Variants in SH3PXD2B observed in about 807,000 individuals in gnomAD.
The protein encoded by SH3PXD2B is SH3 and PX domain-containing protein 2B.
Under a neutral mutation model 73.1 loss-of-function variants are expected in SH3PXD2B, and 37 were observed. The observed-to-expected ratio is 0.51, with a 90% CI of 0.39 to 0.67. The LOEUF (loss-of-function observed/expected upper bound fraction) is 0.67. Among genes scored for constraint, SH3PXD2B ranks in the 30% least tolerant of loss-of-function variants. The probability of loss-of-function intolerance (pLI) is 0.00; values close to 1 mark genes in which losing one functional copy is unlikely to be tolerated. For synonymous variants in SH3PXD2B, 457 were observed against 480.5 expected, an observed-to-expected ratio of 0.95 and a Z score of 0.64; for missense variants, 1,053 against 1,197.8, an observed-to-expected ratio of 0.88 and a Z score of 1.78.
At position 172,353,776 on chromosome 5, in the gene SH3PXD2B, G is replaced by T. The variant is rs948389456; in HGVS notation, c.785+112C>A. 3.6e-6 allele frequency: 3 copies of T among 844,300 alleles called. No individual in the cohort carries two copies. Among genetic ancestry groups the T allele is most frequent in the Admixed American group, 3.4e-5 (2 of 58,680 alleles). 52.3% of individuals were successfully genotyped at this position (844,300 alleles called of 1,614,324 possible). A position where few individuals can be genotyped will look rare whatever the true frequency, so the allele number is the denominator to read the frequency against. On this transcript the variant is annotated intron_variant, in intron 9 of 12. Transcript: ENST00000311601. This position sits in a 1 kb window ranked among gnomAD's most constrained non-coding sequence, Gnocchi z 4.3. ...CTTTTATGGTTCAGGCGGAAACTTC[G>T]CCCAGATGCAATCACTTACCGACCT...
At chr5:172,440,217 G>C (rs952578814) in intron 1 of SH3PXD2B, among the ~76,000 whole-genome samples, 5 of 152,244 alleles carry the variant, frequency 3.3e-5, no homozygotes, top group Non-Finnish European at 5.9e-5. Flanking sequence ...CCCACTACGC[G>C]CAAGGCAGTA....
intron 6 of SH3PXD2B, among the ~76,000 whole-genome samples, chr5:172,367,577 C>T (rs1187036756): frequency 6.6e-6 from 1 of 152,098 alleles, no homozygotes; most frequent in Non-Finnish European, 1.5e-5. Context: ...CAATGTGGCG[C>T]AGATGGTTAC....
intron 7 of SH3PXD2B, among the ~76,000 whole-genome samples, chr5:172,361,361 C>T (rs1013655698): frequency 4.9e-4 from 75 of 152,264 alleles, no homozygotes; most frequent in Non-Finnish European, 2.4e-4. Context: ...AATGTATCCA[C>T]GTATTACTTG....
In SH3PXD2B at chr5:172,406,279, G is replaced by A; in HGVS notation, c.230C>T (p.Pro77Leu). Residue 77 changes from proline to leucine, a missense_variant and splice_region_variant, in exon 3 of 13, where the codon CCA becomes CTA. Physicochemically the swap from Pro to Leu is moderately conservative, Grantham distance 98. Transcript: ENST00000311601. ...DPKQRIIPFL[P>L]GKILFRRSHI... Reference sequence around the variant, plus strand: ...CTGAGAGCACCCATCTCACCTACCTGGCAGAAAGGGGATGATCCGCTGCTT... The same window carrying A: ...CTGAGAGCACCCATCTCACCTACCTAGCAGAAAGGGGATGATCCGCTGCTT... The A allele has an allele frequency of 6.2e-7, 1 of 1,613,870 alleles. No individual in the cohort carries two copies. The highest frequency in any genetic ancestry group is 8.5e-7 in the Non-Finnish European group (1 of 1,179,970).
At chr5:172,368,770 T>TACATATATATTTAATATATAATAC (rs1757632526) in intron 6 of SH3PXD2B, among the ~76,000 whole-genome samples, 2 of 121,220 alleles carry the variant, frequency 1.6e-5, no homozygotes, top group African/African-American at 3.1e-5. Context: ...ATATATAATA[T>TACATATATATTTAATATATAATAC]ACATATATAT....
Position 172,358,852 on chromosome 5 carries a change from C to T in SH3PXD2B, c.588G>A (p.Glu196=). 2.5e-6 allele frequency: 4 copies of T among 1,614,064 alleles called. No individual in the cohort carries two copies. Among genetic ancestry groups the T allele is most frequent in the Non-Finnish European group, 3.4e-6 (4 of 1,179,964 alleles). The change falls in exon 8 of 13, where the codon GAG becomes GAA. Residue 196 remains glutamate, a synonymous_variant. Transcript: ENST00000311601. ...ESGWWFVSTA[E]EQGWVPATCL... ...ACGTTGCAGGGACCCAGCCTTGCTC[C>T]TCGGCAGTGCTGACGAACCACCAAC...
rs567171010 is a variant in SH3PXD2B at position 172,396,393 on chromosome 5, CT to C, written c.233-1755del. On this transcript the variant is annotated intron_variant, in intron 3 of 12. Transcript: ENST00000311601. Reference sequence around the variant, plus strand: ...ACTCCGTCTCAAAAAAAAAAAGAGGCTAGTATAGTAAGAATTTTCATATGAC... The same window carrying C: ...ACTCCGTCTCAAAAAAAAAAAGAGGCAGTATAGTAAGAATTTTCATATGAC... 5.0e-4 allele frequency among the ~76,000 whole-genome samples: 75 copies of C among 150,842 alleles called. 1 individual carries two copies. In the South Asian group the frequency reaches 0.015, roughly 30 times the overall value.
chr5:172,391,310 A>T (rs1361181012), intron 4 of SH3PXD2B, among the ~76,000 whole-genome samples: 1 of 152,174 alleles, frequency 6.6e-6, no homozygotes, highest in Non-Finnish European at 1.5e-5. Context: ...TCATGTGTTT[A>T]CTAGTCATTC....
At chr5:172,361,098 T>C (rs990911975) in intron 7 of SH3PXD2B, among the ~76,000 whole-genome samples, 8 of 152,068 alleles carry the variant, frequency 5.3e-5, no homozygotes, top group African/African-American at 1.2e-4. Context: ...CCCACAAAAA[T>C]ACATATATAT....
At chr5:172,380,580 C>CAA (rs1561914157) in intron 5 of SH3PXD2B, among the ~76,000 whole-genome samples, 1 of 152,212 alleles carries the variant, frequency 6.6e-6, no homozygotes, top group African/African-American at 2.4e-5. Context: ...TACCAGACAC[C>CAA]AACGCCAAAG....
At chr5:172,371,620 G>T (rs1037983214) in intron 6 of SH3PXD2B, among the ~76,000 whole-genome samples, 1 of 152,136 alleles carries the variant, frequency 6.6e-6, no homozygotes, top group African/African-American at 2.4e-5. Flanking sequence ...CCAACCAGTT[G>T]AACTATAAAT....
intron 12 of SH3PXD2B, among the ~76,000 whole-genome samples, chr5:172,344,414 C>T (rs1429046134): frequency 6.6e-6 from 1 of 151,796 alleles, no homozygotes; most frequent in Non-Finnish European, 1.5e-5. Flanking sequence ...ATGGCAAAAC[C>T]CTGTTTCTAC....
rs80179824 is a variant in SH3PXD2B at position 172,438,380 on chromosome 5, G to A, written c.76-15884C>T. 2.4e-3 allele frequency among the ~76,000 whole-genome samples: 361 copies of A among 152,284 alleles called. 2 individuals are homozygous for A. Among genetic ancestry groups the A allele is most frequent in the African/African-American group, 8.2e-3 (340 of 41,552 alleles). On this transcript the variant is annotated intron_variant, in intron 1 of 12. Transcript: ENST00000311601. ...CCCCACTGCCCTGGGGGCCCTTGGG[G>A]CAGGGCCGGGTTTGTCTATTCACCA...
intron 3 of SH3PXD2B, among the ~76,000 whole-genome samples, chr5:172,395,901 C>G: frequency 6.7e-6 from 1 of 148,990 alleles, no homozygotes; most frequent in African/African-American, 2.6e-5. Context: ...ACTAAGAGCT[C>G]TCTCTATTTC....
intron 1 of SH3PXD2B, among the ~76,000 whole-genome samples, chr5:172,431,519 A>T (rs910368543): frequency 6.6e-6 from 1 of 152,248 alleles, no homozygotes. Flanking sequence ...TGGCATGATG[A>T]GGGTTTTTGT....
downstream of SH3PXD2B, among the ~76,000 whole-genome samples, chr5:172,331,697 A>T (rs1056814307): frequency 3.9e-5 from 6 of 152,220 alleles, no homozygotes; most frequent in African/African-American, 1.4e-4. Flanking sequence ...CATGCCTGTA[A>T]TCCCAGCACT....
At chr5:172,393,076 T>C (rs1301590605) in intron 4 of SH3PXD2B, among the ~76,000 whole-genome samples, 2 of 152,228 alleles carry the variant, frequency 1.3e-5, no homozygotes, top group Non-Finnish European at 2.9e-5. Flanking sequence ...CACTTGAGGA[T>C]TGGCTTGTCA....
intron 8 of SH3PXD2B, among the ~76,000 whole-genome samples, chr5:172,356,367 T>C (rs1036609800): frequency 1.3e-5 from 2 of 152,156 alleles, no homozygotes; most frequent in Non-Finnish European, 2.9e-5. Flanking sequence ...ACACTTCCCC[T>C]TTTGCTTAAC....
chr5:172,433,012 C>G (rs987280797), intron 1 of SH3PXD2B, among the ~76,000 whole-genome samples: 1 of 151,980 alleles, frequency 6.6e-6, no homozygotes, highest in Non-Finnish European at 1.5e-5. Context: ...AGTTACGCAC[C>G]ACCTAACGTT....
Sources: allele counts gnomAD v4.1 joint callset (sites outside exome capture counted in the v4.1 genomes callset), GRCh38; gene constraint gnomAD v4.1.1; non-coding constraint Gnocchi (gnomAD v3.1); transcripts MANE v1.5; gene names NCBI Gene and HGNC (gene_info 2026-07-23, HGNC 2026-07-21).